The following PTTG1IP2 variants were observed in gnomAD, a reference collection of about 807,000 sequenced individuals.
The protein encoded by PTTG1IP2 is PTTG1IP family member 2.
chr7:90,470,963 C>CAAAAAAAAAAAA (rs5885726), intron 1 of PTTG1IP2, among the ~76,000 whole-genome samples: 11 of 108,080 alleles, frequency 1.0e-4, no homozygotes, highest in Non-Finnish European at 1.6e-4. Flanking sequence ...TGATGAAGAA[C>CAAAAAAAAAAAA]AAAAAAAAAA....
chr7:90,503,031 A>AT (rs1337589983), intron 6 of PTTG1IP2, among the ~76,000 whole-genome samples: 1 of 152,106 alleles, frequency 6.6e-6, no homozygotes, highest in East Asian at 1.9e-4. Flanking sequence ...TTGAGAATCT[A>AT]TTTTTTAGTG....
chr7:90,489,231 T>TCAAA (rs1476556817), intron 4 of PTTG1IP2, among the ~76,000 whole-genome samples: 1 of 151,904 alleles, frequency 6.6e-6, no homozygotes, highest in Admixed American at 6.6e-5. Context: ...CTTCTGTAGT[T>TCAAA]ACCTCCATAT....
chr7:90,472,309 CACACACACACA>C (rs761794520), intron 1 of PTTG1IP2, among the ~76,000 whole-genome samples: 1,973 of 110,256 alleles, frequency 0.018, 21 homozygotes, highest in Admixed American at 0.024. Flanking sequence ...CACACACACA[CACACACACACA>C]CCCCAAATAA....
At chr7:90,505,990 CAAAAAAAAAAAAAA>C (rs59521168) in intron 6 of PTTG1IP2, among the ~76,000 whole-genome samples, 4 of 77,362 alleles carry the variant, frequency 5.2e-5, no homozygotes, top group East Asian at 8.4e-4. Flanking sequence ...GACTCCGTCT[CAAAAAAAAAAAAAA>C]AAAAAAAAAA....
At position 90,485,736 on chromosome 7, in the gene PTTG1IP2, G is replaced by A. The variant is rs564105715; in HGVS notation, c.193-1591G>A. On this transcript the variant is annotated intron_variant, in intron 2 of 6. Coordinates refer to ENST00000509356, the MANE Select transcript of PTTG1IP2 (RefSeq NM_001365443.2). ...GGGGCCTGCACTTCTTTAGGAGCTCGCCTGTGGTGGACTTGGTTACTGGAA... is the reference window on the plus strand; with the variant it reads ...GGGGCCTGCACTTCTTTAGGAGCTCACCTGTGGTGGACTTGGTTACTGGAA... 1.2e-4 allele frequency among the ~76,000 whole-genome samples: 18 copies of A among 152,242 alleles called. No individual in the cohort carries two copies. In the South Asian group the frequency reaches 2.7e-3, roughly 23 times the overall value.
chr7:90,508,432 T>C (rs1798149532), intron 6 of PTTG1IP2, among the ~76,000 whole-genome samples: 1 of 151,992 alleles, frequency 6.6e-6, no homozygotes, highest in South Asian at 2.1e-4. Context: ...GAATGTACAG[T>C]TTATCAACAG....
At chr7:90,505,460 C>A (rs993830364) in intron 6 of PTTG1IP2, among the ~76,000 whole-genome samples, 3 of 152,178 alleles carry the variant, frequency 2.0e-5, no homozygotes, top group Admixed American at 2.0e-4. Flanking sequence ...TGTGTCTTGG[C>A]TGTCTTTTGG....
intron 2 of PTTG1IP2, among the ~76,000 whole-genome samples, chr7:90,484,615 G>C (rs1033184529): frequency 6.6e-6 from 1 of 152,072 alleles, no homozygotes; most frequent in Non-Finnish European, 1.5e-5. Flanking sequence ...ATATTATACT[G>C]TTCTTGGGGG....
chr7:90,489,677 G>T (rs1175139965), intron 4 of PTTG1IP2, among the ~76,000 whole-genome samples: 1 of 151,648 alleles, frequency 6.6e-6, no homozygotes, highest in Non-Finnish European at 1.5e-5. Context: ...TCTAAAATTT[G>T]TTAACTACTA....
chr7:90,492,254 T>C lies in PTTG1IP2; in HGVS notation c.396T>C (p.Arg132=), dbSNP rs1797947044. 1.3e-5 allele frequency: 2 copies of C among 152,206 alleles called. No homozygotes were observed. Among genetic ancestry groups the C allele is most frequent in the South Asian group, 4.1e-4 (2 of 4,834 alleles). The allele number at this position is 152,206 out of a possible 1,614,324, so 9.4% of individuals were successfully genotyped here. A position where few individuals can be genotyped will look rare whatever the true frequency, so the allele number is the denominator to read the frequency against. The change falls in exon 5 of 7, where the codon CGT becomes CGC. Residue 132 remains arginine (R), a synonymous_variant. Coordinates refer to ENST00000509356, the MANE Select transcript of PTTG1IP2 (RefSeq NM_001365443.2). The stretch of plus-strand genomic sequence containing the variant: ...TCACCATCAGTTTGAACAGAAATCG[T>C]GTCTATTTTTATGGAAGACGAGAAA... ...HFYLQDLNRN[R]VYFYGRRETV...
chr7:90,491,096 G>A (rs1243951135), intron 4 of PTTG1IP2, among the ~76,000 whole-genome samples: 1 of 152,092 alleles, frequency 6.6e-6, no homozygotes, highest in Non-Finnish European at 1.5e-5. Context: ...ACCCTAGAAT[G>A]ACCAATGAAA....
intron 2 of PTTG1IP2, among the ~76,000 whole-genome samples, chr7:90,481,549 C>G (rs939201292): frequency 1.3e-5 from 2 of 152,078 alleles, no homozygotes; most frequent in Non-Finnish European, 2.9e-5. Context: ...GTATTCATCT[C>G]CAATTTTATG....
At chr7:90,476,411 T>G (rs1359663693) in intron 1 of PTTG1IP2, among the ~76,000 whole-genome samples, 1 of 151,824 alleles carries the variant, frequency 6.6e-6, no homozygotes, top group African/African-American at 2.4e-5. Context: ...AAGAGAAGAG[T>G]AAAAACATAT....
rs149880905 is a variant in PTTG1IP2 at position 90,480,673 on chromosome 7, G to C, written c.192+1399G>C. Among the ~76,000 whole-genome samples the C allele has an allele frequency of 6.6e-5, 10 of 152,108 alleles. No homozygotes were observed. The East Asian group carries it at 1.9e-3, about 29-fold the overall frequency. Reference sequence around the variant, plus strand: ...AACAATATCATCTTAATCTCACCAGGCACCCAGAAAATAATAAATTTGTCT... The same window carrying C: ...AACAATATCATCTTAATCTCACCAGCCACCCAGAAAATAATAAATTTGTCT... On this transcript the variant is annotated intron_variant, in intron 2 of 6. Coordinates refer to ENST00000509356, the MANE Select transcript of PTTG1IP2 (RefSeq NM_001365443.2).
chr7:90,500,367 A>G (rs960001535), intron 6 of PTTG1IP2, among the ~76,000 whole-genome samples: 9 of 152,224 alleles, frequency 5.9e-5, no homozygotes, highest in Admixed American at 3.9e-4. Context: ...TGAGAAAAAG[A>G]ATTGATTCAG....
intron 2 of PTTG1IP2, among the ~76,000 whole-genome samples, chr7:90,483,269 T>A (rs1317972756): frequency 6.6e-6 from 1 of 152,184 alleles, no homozygotes; most frequent in African/African-American, 2.4e-5. Flanking sequence ...CCTTGAGAAT[T>A]TTAAGACCAT....
chr7:90,510,811 T>G (rs1458555804), intron 6 of PTTG1IP2, among the ~76,000 whole-genome samples: 1 of 152,252 alleles, frequency 6.6e-6, no homozygotes, highest in Admixed American at 6.5e-5. Flanking sequence ...CTGTTCTATG[T>G]AAATAACTGT....
intron 2 of PTTG1IP2, among the ~76,000 whole-genome samples, chr7:90,483,988 A>C (rs1281762197): frequency 6.6e-6 from 1 of 151,602 alleles, no homozygotes; most frequent in East Asian, 1.9e-4. Context: ...GTGACACCCA[A>C]TGGTGATGCT....
intron 6 of PTTG1IP2, among the ~76,000 whole-genome samples, chr7:90,497,626 A>T (rs1306409302): frequency 7.1e-6 from 1 of 139,972 alleles, no homozygotes; most frequent in East Asian, 2.4e-4. Flanking sequence ...GTGGGGCAGG[A>T]GGAGCCCTTG....
Sources: allele counts gnomAD v4.1 joint callset (sites outside exome capture counted in the v4.1 genomes callset), GRCh38; gene constraint gnomAD v4.1.1; transcripts MANE v1.5; gene names NCBI Gene and HGNC (gene_info 2026-07-23, HGNC 2026-07-21).